Variants in CFAP20DC observed in about 807,000 individuals in gnomAD.
CFAP20DC encodes the protein protein CFAP20DC.
In CFAP20DC, 84 loss-of-function variants were observed where a neutral mutation model predicts 101.7. The observed-to-expected ratio is 0.83, with a 90% CI of 0.69 to 0.99. The LOEUF (loss-of-function observed/expected upper bound fraction) is 0.99, where lower values mean the gene tolerates loss of function less well. Ranked by LOEUF, CFAP20DC falls within the 50% of genes least tolerant of loss-of-function variation. The probability of loss-of-function intolerance (pLI) is 0.00; values close to 1 mark genes in which losing one functional copy is unlikely to be tolerated. For missense variants in CFAP20DC, 1,007 were observed against 970.3 expected (o/e 1.04, Z -0.50); for synonymous variants, 359 against 351.2 (o/e 1.02, Z -0.25).
chr3:58,987,126 G>A (rs2108573779), intron 4 of CFAP20DC, among the ~76,000 whole-genome samples: 1 of 152,084 alleles, frequency 6.6e-6, no homozygotes, highest in Admixed American at 6.6e-5. Context: ...ACTCAGAATG[G>A]AACACAGAGA....
At position 58,864,018 on chromosome 3, in the gene CFAP20DC, C is replaced by T. The variant is rs1012513033; in HGVS notation, c.1259-126G>A. 6.5e-6 allele frequency: 6 copies of T among 920,484 alleles called. No homozygotes were observed. Among genetic ancestry groups the T allele is most frequent in the East Asian group, 2.7e-5 (1 of 37,070 alleles). The allele number at this position is 920,484 out of a possible 1,614,324, so 57.0% of individuals were successfully genotyped here. On this transcript the variant is annotated intron_variant, in intron 11 of 16. Coordinates refer to ENST00000482387, the MANE Select transcript of CFAP20DC (RefSeq NM_001394063.1). This position sits in a 1 kb window ranked among gnomAD's most constrained non-coding sequence, Gnocchi z 4.7. Reference sequence around the variant, plus strand: ...TGCCGCCTAGGCTGCAGTGCAGTCACGCGATCTCGGCTCACTGCAACCTCC... The same window carrying T: ...TGCCGCCTAGGCTGCAGTGCAGTCATGCGATCTCGGCTCACTGCAACCTCC...
chr3:58,950,801 A>C (rs1407685049), intron 4 of CFAP20DC, among the ~76,000 whole-genome samples: 1 of 152,254 alleles, frequency 6.6e-6, no homozygotes. Flanking sequence ...CTAAAACCAT[A>C]AAAACCCTAG....
intron 5 of CFAP20DC, among the ~76,000 whole-genome samples, chr3:58,937,189 G>A (rs757424511): frequency 6.6e-6 from 1 of 152,080 alleles, no homozygotes; most frequent in Admixed American, 6.6e-5. Context: ...TTTTCAATCT[G>A]GCAACAAGAT....
Position 58,729,452 on chromosome 3 carries a change from T to A in CFAP20DC, c.198-11824A>T, listed in dbSNP as rs1439210032. On this transcript the variant is annotated intron_variant, in intron 3 of 3. Coordinates refer to the CFAP20DC transcript ENST00000486145. The surrounding 1 kb of genome is among the most constrained non-coding windows in gnomAD (Gnocchi z 4.4). ...ATATAATGACTTTTATCCAACAACA[T>A]TAACGAATTCTTATAACTTTTATTA... 3.3e-5 allele frequency among the ~76,000 whole-genome samples: 5 copies of A among 152,192 alleles called. No homozygotes were observed.
At chr3:59,003,606 A>G (rs2093364965) in intron 4 of CFAP20DC, among the ~76,000 whole-genome samples, 1 of 152,236 alleles carries the variant, frequency 6.6e-6, no homozygotes. Flanking sequence ...CGAAATCTCA[A>G]CTTACTAGGA....
chr3:58,817,161 A>G lies in CFAP20DC; in HGVS notation c.2176-10705T>C, dbSNP rs536384078. ...CTGTACATCACCATCATCAAAGACC[A>G]AAAGTAGATAAAACCACAAAGATGG... On this transcript the variant is annotated intron_variant, in intron 14 of 16. Transcript: ENST00000482387. Among the ~76,000 whole-genome samples, 80 of 151,902 alleles carry G rather than the reference A, an allele frequency of 5.3e-4. 2 individuals carry two copies. Among genetic ancestry groups the G allele is most frequent in the African/African-American group, 1.9e-3 (78 of 41,344 alleles).
chr3:59,000,146 T>C (rs764301733), intron 4 of CFAP20DC, among the ~76,000 whole-genome samples: 1 of 152,228 alleles, frequency 6.6e-6, no homozygotes, highest in Non-Finnish European at 1.5e-5. Flanking sequence ...TGTCTTCCTT[T>C]ATCTCTCTGA....
intron 13 of CFAP20DC, among the ~76,000 whole-genome samples, chr3:58,843,183 GAGA>G (rs1243592118): frequency 1.3e-5 from 2 of 152,208 alleles, no homozygotes; most frequent in African/African-American, 2.4e-5. Context: ...GATGAGCTGA[GAGA>G]AGAAGGCTTC....
intron 14 of CFAP20DC, chr3:58,824,711 C>T (rs753551619): frequency 6.6e-6 from 1 of 152,080 alleles, no homozygotes; most frequent in Admixed American, 6.6e-5. Context: ...TATTTTGCCT[C>T]GTTATTCTCC....
chr3:58,733,225 G>A (rs949114653), intron 3 of CFAP20DC, among the ~76,000 whole-genome samples: 17 of 152,224 alleles, frequency 1.1e-4, no homozygotes, highest in South Asian at 8.3e-4. Flanking sequence ...CCAGCTACTC[G>A]GGAGGCTGAG....
At chr3:58,831,977 G>T in intron 13 of CFAP20DC, 88 bp from the exon 14 acceptor site, 1 of 1,140,474 alleles carries the variant, frequency 8.8e-7, no homozygotes, top group African/African-American at 1.5e-5. Context: ...CCCTACAGCA[G>T]CTCCCCCAAC....
chr3:58,758,241 A>T (rs1339238219), intron 15 of CFAP20DC, among the ~76,000 whole-genome samples: 1 of 152,062 alleles, frequency 6.6e-6, no homozygotes, highest in East Asian at 1.9e-4. Context: ...ACATGTTTAC[A>T]TTTTTATATG....
intron 15 of CFAP20DC, among the ~76,000 whole-genome samples, chr3:58,757,448 G>T (rs2069068258): frequency 6.6e-6 from 1 of 151,502 alleles, no homozygotes; most frequent in Non-Finnish European, 1.5e-5. Flanking sequence ...TCTTCTATCA[G>T]ATTTTTTATC....
intron 4 of CFAP20DC, among the ~76,000 whole-genome samples, chr3:58,989,573 A>G (rs907481202): frequency 1.3e-5 from 2 of 152,176 alleles, no homozygotes; most frequent in African/African-American, 2.4e-5. Context: ...ATTTTGTAAT[A>G]TAAGTACATT....
chr3:58,764,111 T>C (rs2070003369), intron 15 of CFAP20DC, among the ~76,000 whole-genome samples: 1 of 152,274 alleles, frequency 6.6e-6, no homozygotes, highest in East Asian at 1.9e-4. Flanking sequence ...GCCTTTTGTT[T>C]GGCTATGCCC....
Position 58,955,065 on chromosome 3 carries a change from A to G in CFAP20DC, c.279-17303T>C, listed in dbSNP as rs189563374. On this transcript the variant is annotated intron_variant, in intron 4 of 16. Transcript: ENST00000482387. ...TTTACCATATTTTGTGTAAAATTCA[A>G]TGATTTTTAGTATATTTAAGGACTT... Among the ~76,000 whole-genome samples the G allele has an allele frequency of 2.0e-5, 3 of 152,248 alleles. No individual in the cohort carries two copies. In the East Asian group the frequency reaches 5.8e-4, roughly 29 times the overall value.
chr3:58,765,028 A>G (rs2070135752), intron 15 of CFAP20DC, among the ~76,000 whole-genome samples: 1 of 152,234 alleles, frequency 6.6e-6, no homozygotes, highest in Admixed American at 6.5e-5. Context: ...TTGATTTAAT[A>G]CTAAAATCTT....
At chr3:58,851,789 A>G (rs1342790519) in intron 12 of CFAP20DC, among the ~76,000 whole-genome samples, 2 of 152,128 alleles carry the variant, frequency 1.3e-5, no homozygotes, top group Non-Finnish European at 2.9e-5. Flanking sequence ...TTATAAAACA[A>G]AAAGGAGTCA....
Position 58,868,325 on chromosome 3 carries a change from G to T in CFAP20DC, c.1016-389C>A, listed in dbSNP as rs1369699150. On this transcript the variant is annotated intron_variant, in intron 9 of 16. Transcript: ENST00000482387. The surrounding 1 kb of genome is among the most constrained non-coding windows in gnomAD (Gnocchi z 4.6). Reference sequence around the variant, plus strand: ...TATACTTTCAACAAGAGCATAGAGAGCAGCTTCCAAAAGAGCCCTGGAGAA... The same window carrying T: ...TATACTTTCAACAAGAGCATAGAGATCAGCTTCCAAAAGAGCCCTGGAGAA... Among the ~76,000 whole-genome samples the T allele has an allele frequency of 2.6e-5, 4 of 152,122 alleles. No homozygotes were observed. Among genetic ancestry groups the T allele is most frequent in the African/African-American group, 9.7e-5 (4 of 41,438 alleles).
Sources: allele counts gnomAD v4.1 joint callset (sites outside exome capture counted in the v4.1 genomes callset), GRCh38; gene constraint gnomAD v4.1.1; non-coding constraint Gnocchi (gnomAD v3.1); transcripts MANE v1.5; gene names NCBI Gene and HGNC (gene_info 2026-07-23, HGNC 2026-07-21).